Variants in MYO1B observed in about 807,000 individuals in gnomAD.
MYO1B encodes myosin IB.
In MYO1B, 72 loss-of-function variants were observed where a neutral mutation model predicts 159.7. The ratio of observed to expected loss-of-function variants is 0.45; its 90% CI spans 0.37 to 0.55. The LOEUF (loss-of-function observed/expected upper bound fraction) is 0.55. MYO1B is among the 20% of genes least tolerant of loss of function. The probability of loss-of-function intolerance (pLI) is 0.00; values close to 1 mark genes in which losing one functional copy is unlikely to be tolerated. For missense variants in MYO1B, 1,062 were observed against 1,364.8 expected, an observed-to-expected ratio of 0.78 and a Z score of 3.50; for synonymous variants, 468 against 473.8, an observed-to-expected ratio of 0.99 and a Z score of 0.16.
At chr2:191,403,528 CATT>C (rs1696738179) in intron 24 of MYO1B, among the ~76,000 whole-genome samples, 1 of 152,110 alleles carries the variant, frequency 6.6e-6, no homozygotes, top group Non-Finnish European at 1.5e-5. Context: ...TATTCCTTAT[CATT>C]GTTTTTACTT....
chr2:191,392,372 C>T (rs553360388), intron 19 of MYO1B, among the ~76,000 whole-genome samples, 171 bp downstream of exon 19: 1 of 152,076 alleles, frequency 6.6e-6, no homozygotes, highest in South Asian at 2.1e-4. Context: ...GGGTAAGGGG[C>T]GGTAGAAGAA....
At chr2:191,356,063 C>T (rs1023845971) in intron 7 of MYO1B, among the ~76,000 whole-genome samples, 6 of 151,900 alleles carry the variant, frequency 3.9e-5, no homozygotes, top group Admixed American at 3.9e-4. Context: ...TTTGTTCTTC[C>T]TTTTATATCA....
chr2:191,412,834 A>T (rs190195978), intron 27 of MYO1B, among the ~76,000 whole-genome samples: 42 of 70,726 alleles, frequency 5.9e-4, no homozygotes, highest in African/African-American at 9.7e-4. Context: ...TACAAAAATT[A>T]GTTTGTTTGG....
chr2:191,396,892 C>T (rs1194410127), intron 21 of MYO1B, among the ~76,000 whole-genome samples: 1 of 152,110 alleles, frequency 6.6e-6, no homozygotes, highest in East Asian at 1.9e-4. Context: ...GCAGGCTACC[C>T]ATCACGATTG....
chr2:191,275,334 C>T (rs1687686537), intron 1 of MYO1B, among the ~76,000 whole-genome samples: 3 of 150,062 alleles, frequency 2.0e-5, no homozygotes. Context: ...GAGAACCTCT[C>T]ATAAATTCAT....
chr2:191,339,094 G>T (rs1211012749), intron 4 of MYO1B, among the ~76,000 whole-genome samples: 1 of 152,056 alleles, frequency 6.6e-6, no homozygotes, highest in African/African-American at 2.4e-5. Flanking sequence ...GGCCTGGAGG[G>T]GATTGCTTCC....
In MYO1B at chr2:191,412,266, C is replaced by CT. The variant is rs555006387; in HGVS notation, c.2873+1103dup. The stretch of plus-strand genomic sequence containing the variant: ...TGCTTCAGCAACTAATTTTATTCAG[C>CT]TTTTTTTTTATACATTTTTAAATTA... On this transcript the variant is annotated intron_variant, in intron 27 of 30. Coordinates refer to ENST00000392318, the MANE Select transcript of MYO1B (RefSeq NM_001130158.3). Among the ~76,000 whole-genome samples the CT allele has an allele frequency of 2.1e-4, 32 of 151,526 alleles. 1 individual carries two copies. In the South Asian group the frequency reaches 4.4e-3, roughly 21 times the overall value.
intron 11 of MYO1B, among the ~76,000 whole-genome samples, chr2:191,367,159 C>T (rs1447286537): frequency 2.0e-5 from 3 of 151,582 alleles, no homozygotes; most frequent in African/African-American, 4.9e-5. Context: ...AGTCTTCCCT[C>T]GTTTCTACAC....
chr2:191,267,213 A>G (rs1008817770), intron 1 of MYO1B, among the ~76,000 whole-genome samples: 1 of 151,802 alleles, frequency 6.6e-6, no homozygotes. Context: ...ATGGGCTTCC[A>G]TTTGCTTTTA....
chr2:191,400,906 TAGGGGA>T, intron 23 of MYO1B, 71 bp downstream of exon 23: 1 of 1,423,554 alleles, frequency 7.0e-7, no homozygotes, highest in Non-Finnish European at 9.7e-7. Context: ...TCTAGCCTAT[TAGGGGA>T]TGAATGACTA....
chr2:191,399,457 G>A (rs1302901605), intron 21 of MYO1B, among the ~76,000 whole-genome samples: 1 of 152,230 alleles, frequency 6.6e-6, no homozygotes, highest in Non-Finnish European at 1.5e-5. Context: ...GAGTCAAGTA[G>A]TAGCGATAGA....
At chr2:191,314,276 A>G (rs542244846) in intron 3 of MYO1B, among the ~76,000 whole-genome samples, 9 of 152,154 alleles carry the variant, frequency 5.9e-5, no homozygotes, top group Non-Finnish European at 1.3e-4. Flanking sequence ...CTTTCACACT[A>G]TTGTTCAACA....
chr2:191,416,395 T>A (rs1454208738), intron 30 of MYO1B, 153 bp downstream of exon 30: 1 of 829,992 alleles, frequency 1.2e-6, no homozygotes, highest in South Asian at 1.8e-5. Flanking sequence ...TGAATGACAC[T>A]GACCAAGTCT....
At chr2:191,247,229 T>C (rs1037971601) in intron 1 of MYO1B, among the ~76,000 whole-genome samples, 25 of 152,220 alleles carry the variant, frequency 1.6e-4, no homozygotes, top group African/African-American at 5.8e-4. Flanking sequence ...TGTAGTAGTC[T>C]GGCTGCAGAC....
chr2:191,269,876 T>C (rs985948228), intron 1 of MYO1B, among the ~76,000 whole-genome samples: 1 of 151,968 alleles, frequency 6.6e-6, no homozygotes, highest in African/African-American at 2.4e-5. Flanking sequence ...TCAATTGTTA[T>C]TTTGTGGAAT....
chr2:191,408,308 T>G (rs899455717), intron 25 of MYO1B, 119 bp downstream of exon 25: 15 of 650,148 alleles, frequency 2.3e-5, no homozygotes, highest in African/African-American at 5.5e-5. Context: ...AAATAATAAT[T>G]AAATCATAGC....
intron 11 of MYO1B, 79 bp downstream of exon 11, chr2:191,364,355 A>G: frequency 8.6e-7 from 1 of 1,162,596 alleles, no homozygotes; most frequent in South Asian, 1.3e-5. Flanking sequence ...CAAAGATTTT[A>G]GTTTACAGGC....
At chr2:191,254,984 G>A (rs1046014934) in intron 1 of MYO1B, among the ~76,000 whole-genome samples, 1 of 152,118 alleles carries the variant, frequency 6.6e-6, no homozygotes, top group Non-Finnish European at 1.5e-5. Flanking sequence ...CCGGAGTACA[G>A]TGGTGTGAAC....
chr2:191,341,416 T>A (rs769866248), intron 4 of MYO1B, 45 bp from the exon 5 acceptor site: 3 of 1,551,472 alleles, frequency 1.9e-6, no homozygotes, highest in Non-Finnish European at 1.8e-6. Flanking sequence ...AAAGATTTTT[T>A]AAATTTCTGT....
Sources: gnomAD v4.1 joint callset for allele counts (sites outside exome capture counted in the v4.1 genomes callset) on GRCh38, gnomAD v4.1.1 for gene constraint, MANE v1.5 for transcripts, NCBI Gene and HGNC (gene_info 2026-07-23, HGNC 2026-07-21) for gene names.